Variants in DNAAF4 observed in about 807,000 individuals in gnomAD.
DNAAF4 encodes the protein dynein axonemal assembly factor 4, also known as dynein assembly factor 4, axonemal.
A neutral mutation model predicts 51.8 loss-of-function variants in DNAAF4; 43 were observed. The observed-to-expected ratio is 0.83, with a 90% confidence interval of 0.65 to 1.07. The LOEUF (loss-of-function observed/expected upper bound fraction) is 1.07. DNAAF4 is among the 50% of genes least tolerant of loss of function. DNAAF4 has a pLI of 0.00. For missense variants in DNAAF4, 581 were observed against 493.0 expected (o/e 1.18, Z -1.69); for synonymous variants, 194 against 165.6 (o/e 1.17, Z -1.32).
At chr15:55,441,345 C>T (rs181150957) in intron 6 of DNAAF4, among the ~76,000 whole-genome samples, 1 of 152,178 alleles carries the variant, frequency 6.6e-6, no homozygotes, top group Non-Finnish European at 1.5e-5. Context: ...GCTGGGATTA[C>T]AGGCGTGAGC....
rs1054129842 is a variant in DNAAF4, at chr15:55,498,393, A to T, written c.-64T>A. The T allele has an allele frequency of 8.3e-6, 13 of 1,566,024 alleles. No homozygotes were observed. The African/African-American group carries it at 1.6e-4, about 20-fold the overall frequency. On this transcript the variant is annotated 5_prime_UTR_variant, in exon 2 of 10. Transcript: ENST00000321149. ...TCTTGCGCCTGCTTGGTTGCTAGGG[A>T]AGCTGGGGTTACCATGCGCCAGCCC...
chr15:55,491,118 C>T lies in DNAAF4; in HGVS notation c.405+5G>A. 6.2e-7 allele frequency: 1 copy of T among 1,614,034 alleles called. No homozygotes were observed. Among genetic ancestry groups the T allele is most frequent in the Non-Finnish European group, 8.5e-7 (1 of 1,180,012 alleles). On this transcript the variant is annotated splice_donor_5th_base_variant and intron_variant, in intron 4 of 9. Coordinates refer to ENST00000321149, the MANE Select transcript of DNAAF4 (RefSeq NM_130810.4). The stretch of plus-strand genomic sequence containing the variant: ...AGAGGACTTGCCTGTCATTCTGCAA[C>T]TTACCTTCATCATGACACTTAGTGC...
At chr15:55,444,429 C>T (rs2057763993) in intron 6 of DNAAF4, among the ~76,000 whole-genome samples, 1 of 152,156 alleles carries the variant, frequency 6.6e-6, no homozygotes, top group Non-Finnish European at 1.5e-5. Context: ...CAGTACCATG[C>T]TGTTTTGGTT....
intron 8 of DNAAF4, 108 bp from the exon 9 acceptor site, chr15:55,432,710 C>T: frequency 8.7e-6 from 8 of 915,796 alleles, no homozygotes; most frequent in Middle Eastern, 2.9e-4. Context: ...CTTGGGGAGG[C>T]CGAGGTAGGT....
chr15:55,492,935 C>T (rs1006642476), intron 3 of DNAAF4, among the ~76,000 whole-genome samples: 4 of 152,108 alleles, frequency 2.6e-5, no homozygotes, highest in African/African-American at 9.7e-5. Flanking sequence ...AAAGAGGTAT[C>T]TCTGATATAA....
intron 5 of DNAAF4, among the ~76,000 whole-genome samples, chr15:55,452,802 A>C (rs1325603483): frequency 6.6e-6 from 1 of 152,180 alleles, no homozygotes; most frequent in Non-Finnish European, 1.5e-5. Flanking sequence ...GTTTGGAAAG[A>C]TTTTAGATGC....
At chr15:55,491,950 G>A (rs1001775018) in intron 3 of DNAAF4, among the ~76,000 whole-genome samples, 1 of 151,024 alleles carries the variant, frequency 6.6e-6, no homozygotes, top group African/African-American at 2.4e-5. Context: ...TTAACCTCCT[G>A]GGCTCAAGCA....
At chr15:55,490,168 T>C (rs9672913) in intron 4 of DNAAF4, among the ~76,000 whole-genome samples, 52,482 of 151,954 alleles carry the variant, frequency 0.35, 12,548 homozygotes, top group African/African-American at 0.69. Context: ...CCACTGCGCT[T>C]GGCCTGAGAT....
chr15:55,478,515 C>T (rs1213139992), intron 4 of DNAAF4, among the ~76,000 whole-genome samples: 1 of 152,102 alleles, frequency 6.6e-6, no homozygotes, highest in African/African-American at 2.4e-5. Flanking sequence ...CAGTGCCAGT[C>T]AACATACAGC....
downstream of DNAAF4, among the ~76,000 whole-genome samples, chr15:55,428,773 G>A (rs908733708): frequency 2.0e-5 from 3 of 151,478 alleles, no homozygotes; most frequent in African/African-American, 4.8e-5. Flanking sequence ...GGGATTACAG[G>A]CTTGAGCCAC....
chr15:55,500,829 C>T (rs2058693186), intron 1 of DNAAF4, among the ~76,000 whole-genome samples: 1 of 151,578 alleles, frequency 6.6e-6, no homozygotes, highest in Non-Finnish European at 1.5e-5. Context: ...CTCGTTTCTA[C>T]TAAAAATACA....
chr15:55,481,585 C>T lies in DNAAF4; in HGVS notation c.405+9538G>A, dbSNP rs987280262. Reference sequence around the variant, plus strand: ...CCTTCAAGAAGTCACCCTCTCTCCACTAGACAGAGCAGGGCAAGAGTTCTG... The same window carrying T: ...CCTTCAAGAAGTCACCCTCTCTCCATTAGACAGAGCAGGGCAAGAGTTCTG... On this transcript the variant is annotated intron_variant, in intron 4 of 9. Coordinates refer to ENST00000321149, the MANE Select transcript of DNAAF4 (RefSeq NM_130810.4). 3.9e-5 allele frequency among the ~76,000 whole-genome samples: 6 copies of T among 152,332 alleles called. No individual in the cohort carries two copies. In the East Asian group the frequency reaches 1.2e-3, roughly 29 times the overall value.
chr15:55,447,114 G>GCAGAGGCACTCCTCACTTCC (rs2057842378), intron 6 of DNAAF4, among the ~76,000 whole-genome samples: 1 of 147,168 alleles, frequency 6.8e-6, no homozygotes, highest in Non-Finnish European at 1.5e-5. Flanking sequence ...GGGCGGCTGC[G>GCAGAGGCACTCCTCACTTCC]CAGAGGCACT....
chr15:55,450,187 T>C (rs1169513341), intron 6 of DNAAF4, 35 bp downstream of exon 6: 1 of 1,547,794 alleles, frequency 6.5e-7, no homozygotes, highest in East Asian at 2.3e-5. Context: ...AGTATTTTCA[T>C]TTGTGGTAAT....
chr15:55,489,934 C>A (rs921307599), intron 4 of DNAAF4, among the ~76,000 whole-genome samples: 4 of 148,122 alleles, frequency 2.7e-5, no homozygotes, highest in Non-Finnish European at 5.9e-5. Flanking sequence ...AGTGCAGTGG[C>A]GCAATCTCCG....
In DNAAF4 at chr15:55,430,953, G is replaced by C. The variant is rs7181805; in HGVS notation, c.1154-174C>G. Among the ~76,000 whole-genome samples, 27,037 of 151,714 alleles carry C rather than the reference G, an allele frequency of 0.18. 4,178 individuals carry two copies. The highest frequency in any genetic ancestry group is 0.42 in the African/African-American group (17,413 of 41,326). On this transcript the variant is annotated intron_variant, in intron 9 of 9. Transcript: ENST00000321149. Reference sequence around the variant, plus strand: ...TTTTGAGACAGAGTCTCCTTCTGTTGCCCAGGCGGGAGTGCAGTGGCATGA... The same window carrying C: ...TTTTGAGACAGAGTCTCCTTCTGTTCCCCAGGCGGGAGTGCAGTGGCATGA...
intron 6 of DNAAF4, among the ~76,000 whole-genome samples, chr15:55,450,002 T>C (rs1452722332): frequency 6.6e-6 from 1 of 151,990 alleles, no homozygotes; most frequent in Admixed American, 6.6e-5. Flanking sequence ...CCCGGCCTAC[T>C]GTACATATAT....
rs145594613 is a variant in DNAAF4, at chr15:55,459,032, C to T, written c.637+7898G>A. Reference sequence around the variant, plus strand: ...TGGAGGTTGCAGTGAGCCGAGATCACGCTACTGCACTCTAGCCTGGGTGAC... The same window carrying T: ...TGGAGGTTGCAGTGAGCCGAGATCATGCTACTGCACTCTAGCCTGGGTGAC... On this transcript the variant is annotated intron_variant, in intron 5 of 9. Coordinates refer to ENST00000321149, the MANE Select transcript of DNAAF4 (RefSeq NM_130810.4). 0.012 allele frequency among the ~76,000 whole-genome samples: 1,764 copies of T among 149,204 alleles called. 98 individuals are homozygous for T. The East Asian group carries it at 0.14, about 12-fold the overall frequency.
At chr15:55,500,594 A>G (rs2058691690) in intron 1 of DNAAF4, among the ~76,000 whole-genome samples, 1 of 152,212 alleles carries the variant, frequency 6.6e-6, no homozygotes, top group Admixed American at 6.5e-5. Context: ...AAAATCTGTT[A>G]GCAATCACTT....
Sources: gnomAD v4.1 joint callset for allele counts (sites outside exome capture counted in the v4.1 genomes callset) on GRCh38, gnomAD v4.1.1 for gene constraint, MANE v1.5 for transcripts, NCBI Gene and HGNC (gene_info 2026-07-23, HGNC 2026-07-21) for gene names.